FHIT: variants seen among roughly 807,000 people sequenced by gnomAD.
FHIT encodes the protein fragile histidine triad diadenosine triphosphatase.
Under a neutral mutation model 17.9 loss-of-function variants are expected in FHIT, and 19 were observed. That is an observed-to-expected ratio of 1.06 (90% CI 0.74 to 1.56). FHIT has a LOEUF of 1.56. Ranked by LOEUF, FHIT falls within the 40% of genes most tolerant of loss-of-function variation. FHIT has a pLI of 0.00. For missense variants in FHIT, 248 were observed against 189.2 expected (o/e 1.31, Z -1.82); for synonymous variants, 81 against 69.7 (o/e 1.16, Z -0.81).
intron 4 of FHIT, among the ~76,000 whole-genome samples, chr3:60,623,275 T>C (rs1316624318): frequency 1.3e-5 from 2 of 152,170 alleles, no homozygotes; most frequent in Non-Finnish European, 2.9e-5. Flanking sequence ...AAGCACAAGA[T>C]CTTGCAGCTC....
chr3:61,210,245 C>T (rs928952638), intron 1 of FHIT, among the ~76,000 whole-genome samples: 4 of 152,216 alleles, frequency 2.6e-5, no homozygotes, highest in African/African-American at 7.2e-5. Flanking sequence ...TTAGGCTACT[C>T]GGGGGTCAGG....
chr3:61,205,095 G>C (rs1374281449), intron 1 of FHIT, among the ~76,000 whole-genome samples: 1 of 151,730 alleles, frequency 6.6e-6, no homozygotes, highest in Non-Finnish European at 1.5e-5. Flanking sequence ...CCTTGTGATA[G>C]TTTGCAGAGA....
intron 1 of FHIT, among the ~76,000 whole-genome samples, chr3:61,215,810 G>C (rs979979177): frequency 4.6e-5 from 7 of 152,238 alleles, no homozygotes; most frequent in African/African-American, 1.7e-4. Context: ...TAGATCAATG[G>C]AACAGTACAG....
At chr3:59,813,117 C>A (rs1214262142) in intron 8 of FHIT, among the ~76,000 whole-genome samples, 1 of 152,098 alleles carries the variant, frequency 6.6e-6, no homozygotes, top group Non-Finnish European at 1.5e-5. Context: ...CAGCATAATC[C>A]TGAATTTTAA....
At chr3:60,312,145 T>TA (rs1559810021) in intron 5 of FHIT, among the ~76,000 whole-genome samples, 2 of 152,102 alleles carry the variant, frequency 1.3e-5, no homozygotes, top group Non-Finnish European at 2.9e-5. Flanking sequence ...ACTAATGGGA[T>TA]AAAAAAATCT....
intron 1 of FHIT, among the ~76,000 whole-genome samples, chr3:61,221,547 G>A (rs1477081835): frequency 6.7e-6 from 1 of 148,246 alleles, no homozygotes; most frequent in Non-Finnish European, 1.5e-5. Context: ...TGTTCCTGGA[G>A]CATCTACACT....
chr3:60,830,131 T>C (rs566117782), intron 3 of FHIT, among the ~76,000 whole-genome samples: 1 of 152,242 alleles, frequency 6.6e-6, no homozygotes, highest in African/African-American at 2.4e-5. Context: ...TTGAGCCTGA[T>C]CTCAAAGCCA....
chr3:59,866,709 A>G (rs1388016234), intron 8 of FHIT, among the ~76,000 whole-genome samples: 2 of 152,200 alleles, frequency 1.3e-5, no homozygotes, highest in African/African-American at 4.8e-5. Flanking sequence ...AGGGTGGAAC[A>G]CGTGGTATGT....
At chr3:60,734,676 A>G (rs2042100363) in intron 4 of FHIT, among the ~76,000 whole-genome samples, 1 of 151,668 alleles carries the variant, frequency 6.6e-6, no homozygotes, top group Non-Finnish European at 1.5e-5. Flanking sequence ...CAATCTCTGT[A>G]TATTTTAGAG....
At position 60,487,899 on chromosome 3, in the gene FHIT, A is replaced by T. The variant is rs149533879; in HGVS notation, c.103+48961T>A. Among the ~76,000 whole-genome samples, 169 of 152,262 alleles carry T rather than the reference A, an allele frequency of 1.1e-3. 1 individual carries two copies. Among genetic ancestry groups the T allele is most frequent in the African/African-American group, 3.6e-3 (150 of 41,566 alleles). ...CAGAGTTCAAGTTCATTACCAAGAG[A>T]ATGTATTTCTCCAGCCAAAGCAAAT... On this transcript the variant is annotated intron_variant, in intron 5 of 9. Coordinates refer to ENST00000492590, the MANE Select transcript of FHIT (RefSeq NM_002012.4).
chr3:60,971,599 G>GA (rs1345102216), intron 3 of FHIT, among the ~76,000 whole-genome samples: 3 of 151,530 alleles, frequency 2.0e-5, no homozygotes, highest in Non-Finnish European at 4.4e-5. Flanking sequence ...ACGCTCTGAT[G>GA]TTTTTTCCCC....
intron 4 of FHIT, among the ~76,000 whole-genome samples, chr3:60,694,797 A>G (rs1429842197): frequency 5.9e-4 from 90 of 152,154 alleles, no homozygotes; most frequent in Admixed American, 3.7e-3. Context: ...CATCATTCTC[A>G]GCAAACTATG....
At chr3:60,886,010 C>T (rs1705205825) in intron 3 of FHIT, among the ~76,000 whole-genome samples, 1 of 152,156 alleles carries the variant, frequency 6.6e-6, no homozygotes, top group South Asian at 2.1e-4. Flanking sequence ...CTTTCCTAAA[C>T]CATTGCTTGG....
chr3:61,203,650 T>TAAAA (rs144282574), intron 1 of FHIT, among the ~76,000 whole-genome samples: 8 of 152,036 alleles, frequency 5.3e-5, no homozygotes, highest in African/African-American at 1.9e-4. Flanking sequence ...GCTCTACTTG[T>TAAAA]AAAAAAACAA....
At chr3:60,591,429 G>C (rs1218724747) in intron 4 of FHIT, among the ~76,000 whole-genome samples, 1 of 152,008 alleles carries the variant, frequency 6.6e-6, no homozygotes, top group Non-Finnish European at 1.5e-5. Context: ...TACATTATTT[G>C]ACAGCAAGGA....
intron 5 of FHIT, among the ~76,000 whole-genome samples, chr3:60,124,035 GAGAGAGAGAGAGAGAGAGAGAC>G (rs1291959883): frequency 9.0e-4 from 105 of 116,224 alleles, no homozygotes; most frequent in Non-Finnish European, 1.4e-3. Flanking sequence ...GAGAGAGAGA[GAGAGAGAGAGAGAGAGAGAGAC>G]AGAGAGAGAG....
intron 5 of FHIT, among the ~76,000 whole-genome samples, chr3:60,209,751 G>A (rs1703364206): frequency 6.6e-6 from 1 of 152,140 alleles, no homozygotes; most frequent in Non-Finnish European, 1.5e-5. Flanking sequence ...ATAGTACACA[G>A]CCATAAAAAG....
chr3:60,990,936 T>C (rs1183273070), intron 3 of FHIT, among the ~76,000 whole-genome samples: 1 of 152,216 alleles, frequency 6.6e-6, no homozygotes, highest in Non-Finnish European at 1.5e-5. Flanking sequence ...TTTGAGTACC[T>C]ACTAAGCGCC....
chr3:60,956,744 G>A (rs1460172780), intron 3 of FHIT, among the ~76,000 whole-genome samples: 1 of 152,104 alleles, frequency 6.6e-6, no homozygotes, highest in African/African-American at 2.4e-5. Context: ...GGAAGAAAAG[G>A]GTCTTACAAC....
Sources: allele counts gnomAD v4.1 joint callset (sites outside exome capture counted in the v4.1 genomes callset), GRCh38; gene constraint gnomAD v4.1.1; transcripts MANE v1.5; gene names NCBI Gene and HGNC (gene_info 2026-07-23, HGNC 2026-07-21).